The following AOPEP variants were observed in gnomAD, a reference collection of about 807,000 sequenced individuals.
AOPEP encodes the protein aminopeptidase O (putative).
In AOPEP, 77 loss-of-function variants were observed where a neutral mutation model predicts 98.1. The observed-to-expected ratio is 0.78, with a 90% CI of 0.65 to 0.95. The LOEUF (loss-of-function observed/expected upper bound fraction) is 0.95. AOPEP is among the 40% of genes least tolerant of loss of function. The pLI, the probability that AOPEP is intolerant of heterozygous loss-of-function variation, is 0.00. For synonymous variants in AOPEP, 346 were observed against 365.3 expected (o/e 0.95, Z 0.60); for missense variants, 1,024 against 1,024.7 (o/e 1.00, Z 0.01).
intron 10 of AOPEP, among the ~76,000 whole-genome samples, chr9:94,976,654 C>CT (rs778133412): frequency 0.012 from 1,597 of 136,054 alleles, 10 homozygotes; most frequent in Middle Eastern, 0.019. Context: ...AAGACAGCCT[C>CT]TTTTTTTTTT....
chr9:94,896,027 C>G lies in AOPEP; in HGVS notation c.1365-27959C>G, dbSNP rs989724754. On this transcript the variant is annotated intron_variant, in intron 5 of 16. Coordinates refer to ENST00000375315, the MANE Select transcript of AOPEP (RefSeq NM_001193329.3). The stretch of plus-strand genomic sequence containing the variant: ...TGGAGAATGTTTGCCTATCTCTATT[C>G]TAGACAATACTAATAGATAAATGAA... Among the ~76,000 whole-genome samples the G allele has an allele frequency of 3.9e-5, 6 of 152,136 alleles. No individual in the cohort carries two copies. The South Asian group carries it at 1.2e-3, about 32-fold the overall frequency.
downstream of AOPEP, among the ~76,000 whole-genome samples, chr9:95,091,178 G>A (rs2070862028): frequency 6.6e-6 from 1 of 152,234 alleles, no homozygotes; most frequent in South Asian, 2.1e-4. Flanking sequence ...TCTAGACCAA[G>A]CACGTCCTTG....
chr9:95,117,906 G>A, the AOPEP span, among the ~76,000 whole-genome samples: 1 of 152,094 alleles, frequency 6.6e-6, no homozygotes, highest in African/African-American at 2.4e-5. Context: ...CTTTTTAGTA[G>A]AGACAGAGTT....
the AOPEP span, chr9:95,110,435 C>T: frequency 7.8e-5 from 80 of 1,023,030 alleles, no homozygotes; most frequent in East Asian, 3.2e-4. Context: ...CTTAGCTTAA[C>T]GTGATCTTTT....
chr9:95,114,450 T>A, the AOPEP span: 1 of 705,604 alleles, frequency 1.4e-6, no homozygotes. Context: ...CCTGACCTGC[T>A]CCAAGCCATC....
chr9:95,019,108 A>C (rs1025034829), intron 13 of AOPEP: 2 of 150,072 alleles, frequency 1.3e-5, no homozygotes, highest in African/African-American at 2.4e-5. Context: ...GCAAGTATAC[A>C]GCAGCAAGTA....
intron 14 of AOPEP, 84 bp from the exon 15 acceptor site, chr9:95,080,610 A>G (rs2069633060): frequency 1.1e-6 from 1 of 881,556 alleles, no homozygotes. Flanking sequence ...GCTTTCCGGA[A>G]TACAGAGGCT....
chr9:94,760,039 A>G lies in AOPEP; in HGVS notation c.256A>G (p.Asn86Asp). 6.2e-7 allele frequency: 1 copy of G among 1,614,222 alleles called. No individual in the cohort carries two copies. Among genetic ancestry groups the G allele is most frequent in the Non-Finnish European group, 8.5e-7 (1 of 1,180,038 alleles). The change falls in exon 2 of 17, where the codon AAT becomes GAT. Residue 86 changes from asparagine (N) to aspartate (D), a missense_variant. Physicochemically the swap from Asn to Asp is conservative, Grantham distance 23 (BLOSUM62 1). Transcript: ENST00000375315. ...TGAACCCTGCCATATTCCCGTGACA[A>G]ATGCAAGGACCTTCTCATCTGAAAT... ...MPEPCHIPVT[N>D]ARTFSSEMEY...
At chr9:94,738,492 A>G (rs973840744) in intron 1 of AOPEP, among the ~76,000 whole-genome samples, 3 of 152,164 alleles carry the variant, frequency 2.0e-5, no homozygotes, top group African/African-American at 7.2e-5. Flanking sequence ...CCATAGGAAC[A>G]CTAGAACATC....
chr9:94,753,506 G>A (rs538704034), intron 1 of AOPEP, among the ~76,000 whole-genome samples: 16 of 152,154 alleles, frequency 1.1e-4, no homozygotes, highest in African/African-American at 3.6e-4. Context: ...AACAGTGGAG[G>A]GGAAAACAGG....
At chr9:95,112,771 A>C in the AOPEP span, among the ~76,000 whole-genome samples, 1 of 152,224 alleles carries the variant, frequency 6.6e-6, no homozygotes, top group African/African-American at 2.4e-5. Flanking sequence ...AGCTGAATGC[A>C]CAAGCAGTCC....
chr9:95,060,993 T>C (rs2133926059), intron 14 of AOPEP, 183 bp downstream of exon 14: 1 of 521,670 alleles, frequency 1.9e-6, no homozygotes, highest in Non-Finnish European at 3.4e-6. Context: ...AATCAGAGTA[T>C]TTTGAGGTCT....
intron 5 of AOPEP, among the ~76,000 whole-genome samples, chr9:94,893,967 G>A (rs775933265): frequency 6.6e-6 from 1 of 152,050 alleles, no homozygotes; most frequent in Non-Finnish European, 1.5e-5. Context: ...ATGCAGTAAG[G>A]TAATAAAATG....
downstream of AOPEP, among the ~76,000 whole-genome samples, chr9:95,091,379 C>T (rs1397271490): frequency 1.3e-5 from 2 of 152,180 alleles, no homozygotes; most frequent in Admixed American, 6.5e-5. Context: ...CCAGAATAAG[C>T]GGGGTGCTGC....
rs531217765 is a variant in AOPEP, at chr9:94,949,337, C to T, written c.1662-5840C>T. Among the ~76,000 whole-genome samples the T allele has an allele frequency of 3.3e-4, 50 of 152,286 alleles. No individual in the cohort carries two copies. In the South Asian group the frequency reaches 1.0e-2, roughly 30 times the overall value. Reference sequence around the variant, plus strand: ...GAGTTTGTTTGCATTTTCCACAGTTCTGCTAACTACAGAGTTTCTCCTTAT... The same window carrying T: ...GAGTTTGTTTGCATTTTCCACAGTTTTGCTAACTACAGAGTTTCTCCTTAT... On this transcript the variant is annotated intron_variant, in intron 7 of 16. Transcript: ENST00000375315.
chr9:94,932,356 A>C lies in AOPEP; in HGVS notation c.1661+3825A>C, dbSNP rs1410784737. The C allele has an allele frequency of 4.4e-6, 4 of 918,610 alleles. No individual in the cohort carries two copies. The Admixed American group carries it at 2.5e-4, about 57-fold the overall frequency. The allele number at this position is 918,610 out of a possible 1,614,324, so 56.9% of individuals were successfully genotyped here. On this transcript the variant is annotated intron_variant, in intron 7 of 16. Transcript: ENST00000375315. ...AACAAAGTGAAAAGAGAAAAACTAA[A>C]ATTTTGTTTGGCTCTGACTTACTAG... is the stretch of plus-strand genomic sequence containing the variant.
intron 5 of AOPEP, among the ~76,000 whole-genome samples, chr9:94,821,970 A>AACACACAC (rs34645632): frequency 0.014 from 1,914 of 141,428 alleles, 26 homozygotes; most frequent in South Asian, 0.025. Flanking sequence ...TGTGTGTGTA[A>AACACACAC]ACACACACAC....
At chr9:94,872,480 T>C (rs2135660299) in intron 5 of AOPEP, among the ~76,000 whole-genome samples, 1 of 152,328 alleles carries the variant, frequency 6.6e-6, no homozygotes, top group East Asian at 1.9e-4. Flanking sequence ...CACATGATTC[T>C]GGATCATTAA....
chr9:94,932,485 CT>C (rs34147194), intron 7 of AOPEP: 1,725 of 144,526 alleles, frequency 0.012, 2 homozygotes, highest in Middle Eastern at 0.021. Flanking sequence ...TTCTTTCTTT[CT>C]TTTTTTTTTT....
Sources: gnomAD v4.1 joint callset for allele counts (sites outside exome capture counted in the v4.1 genomes callset) on GRCh38, gnomAD v4.1.1 for gene constraint, MANE v1.5 for transcripts, NCBI Gene and HGNC (gene_info 2026-07-23, HGNC 2026-07-21) for gene names.